RBFOX1: variants seen among roughly 807,000 people sequenced by gnomAD.
The protein encoded by RBFOX1 is RNA binding fox-1 homolog 1.
In RBFOX1, 8 loss-of-function variants were observed where a neutral mutation model predicts 57.7. The observed-to-expected ratio is 0.14, with a 90% CI of 0.08 to 0.25. The LOEUF (loss-of-function observed/expected upper bound fraction) is 0.25, where lower values mean the gene tolerates loss of function less well. RBFOX1 is among the 10% of genes least tolerant of loss of function. The pLI, the probability that RBFOX1 is intolerant of heterozygous loss-of-function variation, is 1.00. For synonymous variants in RBFOX1, 326 were observed against 222.4 expected, an observed-to-expected ratio of 1.47 and a Z score of -4.15; for missense variants, 611 against 548.5, an observed-to-expected ratio of 1.11 and a Z score of -1.14.
intron 1 of RBFOX1, among the ~76,000 whole-genome samples, chr16:6,050,690 C>T (rs1003507467): frequency 5.9e-5 from 9 of 151,938 alleles, no homozygotes; most frequent in South Asian, 2.1e-4. Flanking sequence ...ATGGAGTTAC[C>T]GGAGTACTTC....
At chr16:5,695,182 T>C (rs1478489534) in intron 3 of RBFOX1, among the ~76,000 whole-genome samples, 3 of 152,186 alleles carry the variant, frequency 2.0e-5, no homozygotes, top group Non-Finnish European at 4.4e-5. Flanking sequence ...TCACTAAGCA[T>C]TTCAATTTTT....
chr16:5,719,264 C>T (rs1468199191), intron 3 of RBFOX1, among the ~76,000 whole-genome samples: 3 of 148,360 alleles, frequency 2.0e-5, no homozygotes, highest in African/African-American at 7.5e-5. Flanking sequence ...TGCAGTGGCA[C>T]GATCTCGGCT....
chr16:6,909,691 C>G (rs761311311), intron 3 of RBFOX1, among the ~76,000 whole-genome samples: 24 of 152,158 alleles, frequency 1.6e-4, no homozygotes, highest in African/African-American at 4.1e-4. Context: ...GTGCCTAACA[C>G]GTGGTACATG....
intron 3 of RBFOX1, among the ~76,000 whole-genome samples, chr16:7,037,887 G>T (rs900081174): frequency 6.6e-6 from 1 of 152,150 alleles, no homozygotes; most frequent in Non-Finnish European, 1.5e-5. Flanking sequence ...TGGCCTGTGT[G>T]TCTCTGCTGA....
chr16:6,304,256 T>G (rs771571751), intron 1 of RBFOX1, among the ~76,000 whole-genome samples: 1 of 151,794 alleles, frequency 6.6e-6, no homozygotes, highest in Non-Finnish European at 1.5e-5. Context: ...CCATTGCACT[T>G]CAGCCTGGGA....
chr16:7,306,930 A>G lies in RBFOX1; in HGVS notation c.28-211217A>G, dbSNP rs548164069. Among the ~76,000 whole-genome samples, 6 of 152,346 alleles carry G rather than the reference A, an allele frequency of 3.9e-5. No individual in the cohort carries two copies. The East Asian group carries it at 9.6e-4, about 24-fold the overall frequency. ...TATTTTTTATCTGCCTTTAATCTGT[A>G]GCTATTATTGGATCTCTAGCTAATT... is the stretch of plus-strand genomic sequence containing the variant. On this transcript the variant is annotated intron_variant, in intron 4 of 15. Transcript: ENST00000550418.
At chr16:7,075,020 A>G (rs2058047281) in intron 4 of RBFOX1, among the ~76,000 whole-genome samples, 1 of 152,150 alleles carries the variant, frequency 6.6e-6, no homozygotes, top group African/African-American at 2.4e-5. Flanking sequence ...GAAAAAGAGA[A>G]AAAAGGGGCA....
At chr16:7,179,116 A>T (rs865791111) in intron 4 of RBFOX1, among the ~76,000 whole-genome samples, 10 of 152,172 alleles carry the variant, frequency 6.6e-5, no homozygotes, top group Middle Eastern at 3.4e-3. Flanking sequence ...CAGATCCCAG[A>T]TTACTCGAGG....
At chr16:7,358,782 A>G (rs977734751) in intron 4 of RBFOX1, among the ~76,000 whole-genome samples, 3 of 152,184 alleles carry the variant, frequency 2.0e-5, no homozygotes, top group African/African-American at 4.8e-5. Flanking sequence ...CAATGTTTGT[A>G]TGACAAAGCC....
At chr16:6,073,523 C>T (rs760558534) in intron 1 of RBFOX1, among the ~76,000 whole-genome samples, 31 of 152,138 alleles carry the variant, frequency 2.0e-4, no homozygotes, top group Non-Finnish European at 3.5e-4. Flanking sequence ...GCCCAAAATA[C>T]GTGTAGCATG....
chr16:6,489,038 T>G (rs2095568739), intron 2 of RBFOX1, among the ~76,000 whole-genome samples: 1 of 152,202 alleles, frequency 6.6e-6, no homozygotes, highest in Admixed American at 6.5e-5. Flanking sequence ...ACACTAAAAT[T>G]GTTACAGCTG....
At chr16:6,035,462 C>G (rs1355167850) in intron 1 of RBFOX1, among the ~76,000 whole-genome samples, 2 of 152,190 alleles carry the variant, frequency 1.3e-5, no homozygotes, top group African/African-American at 4.8e-5. Flanking sequence ...AAGACTTTGT[C>G]TTTTAAAATG....
intron 3 of RBFOX1, among the ~76,000 whole-genome samples, chr16:7,032,071 A>G (rs1371916457): frequency 6.6e-6 from 1 of 152,142 alleles, no homozygotes; most frequent in African/African-American, 2.4e-5. Flanking sequence ...GCTGCCAGCA[A>G]CTTTCGGATG....
intron 10 of RBFOX1, among the ~76,000 whole-genome samples, chr16:7,611,495 C>G (rs1449193021): frequency 6.6e-6 from 1 of 151,626 alleles, no homozygotes; most frequent in African/African-American, 2.4e-5. Context: ...AGAAGAATCA[C>G]TTGAACCTGG....
At chr16:6,160,601 C>G (rs1458754687) in intron 1 of RBFOX1, among the ~76,000 whole-genome samples, 3 of 152,174 alleles carry the variant, frequency 2.0e-5, no homozygotes, top group African/African-American at 7.2e-5. Flanking sequence ...GCTTTAAATG[C>G]ACGCATCTTC....
intron 3 of RBFOX1, among the ~76,000 whole-genome samples, chr16:6,929,139 C>T (rs1013192113): frequency 8.5e-5 from 13 of 152,130 alleles, no homozygotes; most frequent in South Asian, 4.1e-4. Context: ...CTTTATTAAA[C>T]ACATCTCTTC....
intron 3 of RBFOX1, among the ~76,000 whole-genome samples, chr16:6,739,769 C>G (rs543460241): frequency 6.6e-6 from 1 of 152,022 alleles, no homozygotes; most frequent in African/African-American, 2.4e-5. Flanking sequence ...CTCGGCTCCT[C>G]GGGAGGCTGA....
intron 2 of RBFOX1, among the ~76,000 whole-genome samples, chr16:6,536,149 G>C (rs1019323612): frequency 2.6e-5 from 4 of 152,060 alleles, no homozygotes; most frequent in Non-Finnish European, 4.4e-5. Context: ...ATCATCACAA[G>C]ACCACAATCA....
chr16:7,254,717 G>C (rs2094609748), intron 4 of RBFOX1, among the ~76,000 whole-genome samples: 1 of 151,952 alleles, frequency 6.6e-6, no homozygotes, highest in African/African-American at 2.4e-5. Flanking sequence ...TTTTGCAATT[G>C]TTATTATCCT....
Sources: gnomAD v4.1 joint callset for allele counts (sites outside exome capture counted in the v4.1 genomes callset) on GRCh38, gnomAD v4.1.1 for gene constraint, MANE v1.5 for transcripts, NCBI Gene and HGNC (gene_info 2026-07-23, HGNC 2026-07-21) for gene names.